Variants in OR9Q1 observed in about 807,000 individuals in gnomAD.
OR9Q1 encodes the protein olfactory receptor family 9 subfamily Q member 1.
For missense variants in OR9Q1, 374 were observed against 378.8 expected, an observed-to-expected ratio of 0.99 and a Z score of 0.11; for synonymous variants, 153 against 148.6, an observed-to-expected ratio of 1.03 and a Z score of -0.22.
At chr11:58,151,893 A>C (rs72921785) in intron 2 of OR9Q1, among the ~76,000 whole-genome samples, 4,394 of 152,150 alleles carry the variant, frequency 0.029, 100 homozygotes, top group Non-Finnish European at 0.044. Context: ...TTCCAGTTAC[A>C]ACAATCTACT....
At chr11:58,174,945 G>C (rs1993090) in intron 2 of OR9Q1, among the ~76,000 whole-genome samples, 2 of 151,084 alleles carry the variant, frequency 1.3e-5, no homozygotes, top group African/African-American at 4.9e-5. Flanking sequence ...GACTCTACTA[G>C]AAATAAAAAC....
intron 2 of OR9Q1, among the ~76,000 whole-genome samples, chr11:58,087,640 T>C (rs1343105042): frequency 6.6e-6 from 1 of 151,900 alleles, no homozygotes; most frequent in African/African-American, 2.4e-5. Context: ...GGTGGTTTGC[T>C]GCACCCATCA....
At chr11:58,170,418 G>A (rs1290690466) in intron 2 of OR9Q1, among the ~76,000 whole-genome samples, 1 of 151,948 alleles carries the variant, frequency 6.6e-6, no homozygotes, top group Non-Finnish European at 1.5e-5. Context: ...TTTCATGATT[G>A]CTATTATATT....
intron 1 of OR9Q1, among the ~76,000 whole-genome samples, chr11:58,047,745 G>A (rs934026637): frequency 1.3e-4 from 19 of 151,314 alleles, no homozygotes; most frequent in African/African-American, 3.2e-4. Context: ...TTAGCTTGCC[G>A]TGATGGTGGG....
At position 58,133,577 on chromosome 11, in the gene OR9Q1, T is replaced by C. The variant is rs1242060619; in HGVS notation, c.-14-45854T>C. 3.9e-5 allele frequency among the ~76,000 whole-genome samples: 6 copies of C among 152,368 alleles called. No individual in the cohort carries two copies. In the South Asian group the frequency reaches 6.2e-4, roughly 16 times the overall value. Reference sequence around the variant, plus strand: ...TGTCTTGGTTTCCTTATCTATAACATGGAACTGATAATGCCTTGCATACCT... The same window carrying C: ...TGTCTTGGTTTCCTTATCTATAACACGGAACTGATAATGCCTTGCATACCT... On this transcript the variant is annotated intron_variant, in intron 2 of 2. Coordinates refer to ENST00000335397, the MANE Select transcript of OR9Q1 (RefSeq NM_001005212.4).
intron 2 of OR9Q1, among the ~76,000 whole-genome samples, chr11:58,123,111 C>T (rs1172081238): frequency 6.6e-6 from 1 of 151,912 alleles, no homozygotes; most frequent in Non-Finnish European, 1.5e-5. Context: ...TTATTTTTAC[C>T]AATGAGGAAT....
chr11:58,176,813 G>A (rs1854611132), intron 2 of OR9Q1, among the ~76,000 whole-genome samples: 1 of 152,146 alleles, frequency 6.6e-6, no homozygotes, highest in African/African-American at 2.4e-5. Flanking sequence ...GAGCAAGTCT[G>A]GGAGGGCAAC....
At chr11:58,177,820 T>C (rs1854619840) in intron 2 of OR9Q1, among the ~76,000 whole-genome samples, 2 of 152,168 alleles carry the variant, frequency 1.3e-5, no homozygotes, top group African/African-American at 4.8e-5. Flanking sequence ...CATGAGAAAA[T>C]ATTAAACCTT....
intron 2 of OR9Q1, among the ~76,000 whole-genome samples, chr11:58,135,542 T>A (rs1854181704): frequency 6.6e-6 from 1 of 152,168 alleles, no homozygotes; most frequent in South Asian, 2.1e-4. Flanking sequence ...CCAGTTTGAT[T>A]TTAGTGGCAG....
chr11:58,164,297 G>T (rs1041859643), intron 2 of OR9Q1, among the ~76,000 whole-genome samples: 1 of 152,200 alleles, frequency 6.6e-6, no homozygotes, highest in East Asian at 1.9e-4. Context: ...TAAGAAAAAC[G>T]GATGATGATA....
chr11:58,175,105 CAAAAA>C (rs57623932), intron 2 of OR9Q1, among the ~76,000 whole-genome samples: 5 of 69,292 alleles, frequency 7.2e-5, no homozygotes, highest in African/African-American at 3.0e-4. Context: ...GACTCTGTCT[CAAAAA>C]AAAAAAAAAA....
intron 1 of OR9Q1, chr11:58,030,922 C>A: frequency 1.5e-6 from 2 of 1,370,038 alleles, no homozygotes; most frequent in South Asian, 1.2e-5. Flanking sequence ...GTCTATGAGG[C>A]TATGAGTTTG....
At chr11:58,106,257 C>A (rs1853839206) in intron 2 of OR9Q1, among the ~76,000 whole-genome samples, 1 of 151,578 alleles carries the variant, frequency 6.6e-6, no homozygotes, top group Admixed American at 6.6e-5. Flanking sequence ...TGATGCTGAG[C>A]ACCTTTTAAT....
At position 58,068,351 on chromosome 11, in the gene OR9Q1, G is replaced by GA. The variant is rs569931713; in HGVS notation, c.-15+12416dup. Among the ~76,000 whole-genome samples the GA allele has an allele frequency of 9.9e-3, 1,090 of 109,654 alleles. 2 individuals carry two copies. Among genetic ancestry groups the GA allele is most frequent in the Non-Finnish European group, 0.015 (789 of 51,052 alleles). The allele number at this position is 109,654 out of a possible 152,430, so 71.9% of individuals were successfully genotyped here. ...ACAGAGTGAGACTCTGTCTCAAAAAGAAAAAAAAAAAAGAAAAAAAAGGCC... is the reference window on the plus strand; with the variant it reads ...ACAGAGTGAGACTCTGTCTCAAAAAGAAAAAAAAAAAAAGAAAAAAAAGGCC... On this transcript the variant is annotated intron_variant, in intron 2 of 2. Transcript: ENST00000335397.
At chr11:58,147,201 G>A (rs2119885607) in intron 2 of OR9Q1, among the ~76,000 whole-genome samples, 1 of 152,238 alleles carries the variant, frequency 6.6e-6, no homozygotes, top group Admixed American at 6.5e-5. Context: ...CTGATTCTTG[G>A]CAAAGTGGCA....
At chr11:58,159,604 G>A (rs1188458060) in intron 2 of OR9Q1, among the ~76,000 whole-genome samples, 3 of 152,322 alleles carry the variant, frequency 2.0e-5, no homozygotes, top group East Asian at 3.9e-4. Context: ...GACATTGGCA[G>A]CACAGGGAAA....
intron 2 of OR9Q1, among the ~76,000 whole-genome samples, chr11:58,173,995 A>C (rs1167360431): frequency 6.6e-6 from 1 of 152,184 alleles, no homozygotes; most frequent in East Asian, 1.9e-4. Flanking sequence ...TGGGCAGCTT[A>C]GGGTGATGAA....
chr11:58,131,894 A>G (rs1854144905), intron 2 of OR9Q1, among the ~76,000 whole-genome samples: 1 of 152,172 alleles, frequency 6.6e-6, no homozygotes, highest in Non-Finnish European at 1.5e-5. Flanking sequence ...GAACAGTATA[A>G]AAAGGCAATA....
rs989781109 is a variant in OR9Q1, at chr11:58,076,029, GC to G, written c.-15+20086del. Among the ~76,000 whole-genome samples the G allele has an allele frequency of 1.6e-4, 25 of 152,248 alleles. No homozygotes were observed. In the East Asian group the frequency reaches 4.1e-3, roughly 25 times the overall value. Reference sequence around the variant, plus strand: ...AGTCACACTCGTTTGTTTATGTGTTGCCCCGTGGCTGCTTTCTCACTAGAAT... The same window carrying G: ...AGTCACACTCGTTTGTTTATGTGTTGCCCGTGGCTGCTTTCTCACTAGAAT... On this transcript the variant is annotated intron_variant, in intron 2 of 2. Transcript: ENST00000335397.
Sources: allele counts gnomAD v4.1 joint callset (sites outside exome capture counted in the v4.1 genomes callset), GRCh38; gene constraint gnomAD v4.1.1; transcripts MANE v1.5; gene names NCBI Gene and HGNC (gene_info 2026-07-23, HGNC 2026-07-21).